ACAN: variants seen among roughly 807,000 people sequenced by gnomAD.
ACAN encodes the protein aggrecan.
In ACAN, 47 loss-of-function variants were observed where a neutral mutation model predicts 169.1. That is an observed-to-expected ratio of 0.28 (90% CI 0.22 to 0.35). ACAN has a LOEUF of 0.35. Among genes scored for constraint, ACAN ranks in the 10% least tolerant of loss-of-function variants. ACAN has a pLI of 1.00. For synonymous variants in ACAN, 1,115 were observed against 1,112.2 expected (o/e 1.00, Z -0.05); for missense variants, 2,716 against 2,759.9 (o/e 0.98, Z 0.36).
chr15:88,817,786 G>A (rs574884641), intron 1 of ACAN, among the ~76,000 whole-genome samples: 2 of 148,918 alleles, frequency 1.3e-5, no homozygotes, highest in East Asian at 2.0e-4. Flanking sequence ...CCTGGGAGGC[G>A]GAGGTTGCAG....
chr15:88,853,719 A>G (rs2141599409), intron 11 of ACAN, among the ~76,000 whole-genome samples: 1 of 151,552 alleles, frequency 6.6e-6, no homozygotes, highest in Middle Eastern at 3.4e-3. Flanking sequence ...GATGTGTTTC[A>G]TAGATAAATA....
Position 88,858,731 on chromosome 15 carries a change from C to T in ACAN, c.6146C>T (p.Thr2049Ile), listed in dbSNP as rs200203683. 1 of 1,613,958 alleles carries T rather than the reference C, an allele frequency of 6.2e-7. No individual in the cohort carries two copies. Among genetic ancestry groups the T allele is most frequent in the South Asian group, 1.1e-5 (1 of 91,076 alleles). Residue 2049 changes from threonine (T) to isoleucine (I), a missense_variant, in exon 12 of 19, where the codon ACT (threonine) becomes ATT (isoleucine). This residue lies in a region of ACAN where 1,389 missense variants were observed against 1,363.7 expected (regional missense o/e 1.02). Coordinates refer to ENST00000560601, the MANE Select transcript of ACAN (RefSeq NM_001369268.1). This position sits in a 1 kb window ranked among gnomAD's most constrained non-coding sequence, Gnocchi z 4.0. ...TTCGTGGAGGGTGTTACTGAACCAA[C>T]TATTTCTCAGGAACTAGGCCAAAGG... Reference protein sequence around the residue: ...SEFVEGVTEPTISQELGQRPP... With the variant: ...SEFVEGVTEPIISQELGQRPP...
chr15:88,864,883 C>A (rs967892529), intron 13 of ACAN, among the ~76,000 whole-genome samples: 2 of 152,102 alleles, frequency 1.3e-5, no homozygotes, highest in Admixed American at 6.5e-5. Context: ...GAGTGGCAAC[C>A]CTTTTAGTTC....
intron 11 of ACAN, 54 bp downstream of exon 11, chr15:88,852,087 C>A (rs972926726): frequency 7.8e-6 from 12 of 1,542,376 alleles, no homozygotes; most frequent in Admixed American, 2.0e-5. Flanking sequence ...CCCCTGTCTT[C>A]CTACAGTGTG....
Position 88,874,393 on chromosome 15 carries a change from C to CT in ACAN, c.7631-9dup. ...GGTCCACTGATATCTTTCCATCTCC[C>CT]TTTCGTCCTAGCCACCACCTACAAA... On this transcript the variant is annotated splice_polypyrimidine_tract_variant and intron_variant, in intron 18 of 18. Transcript: ENST00000560601. The surrounding 1 kb of genome is among the most constrained non-coding windows in gnomAD (Gnocchi z 7.3). The CT allele has an allele frequency of 1.9e-6, 3 of 1,594,536 alleles. No individual in the cohort carries two copies. Among genetic ancestry groups the CT allele is most frequent in the Non-Finnish European group, 2.6e-6 (3 of 1,170,748 alleles).
In ACAN at chr15:88,858,591, A is replaced by G. The variant is rs756799210; in HGVS notation, c.6006A>G (p.Pro2002=). ...IEPSGEPPGT[P]YFSGDFASTT... ...CCAGCGGAGAGCCACCAGGTACTCCATATTTTAGTGGGGATTTTGCCAGCA... is the reference window on the plus strand; with the variant it reads ...CCAGCGGAGAGCCACCAGGTACTCCGTATTTTAGTGGGGATTTTGCCAGCA... The change falls in exon 12 of 19, where the codon CCA becomes CCG. Residue 2002 remains proline (P), a synonymous_variant. Coordinates refer to ENST00000560601, the MANE Select transcript of ACAN (RefSeq NM_001369268.1). The surrounding 1 kb of genome is among the most constrained non-coding windows in gnomAD (Gnocchi z 4.0). The G allele has an allele frequency of 8.6e-5, 138 of 1,613,816 alleles. No homozygotes were observed. The highest frequency in any genetic ancestry group is 1.1e-4 in the Non-Finnish European group (128 of 1,179,892).
At chr15:88,845,201 G>A (rs1596136372) in intron 6 of ACAN, among the ~76,000 whole-genome samples, 1 of 152,258 alleles carries the variant, frequency 6.6e-6, no homozygotes, top group African/African-American at 2.4e-5. Flanking sequence ...AGCAGCAGCT[G>A]TGTTGAGCAG....
intron 6 of ACAN, 32 bp from the exon 7 acceptor site, chr15:88,845,473 G>A (rs762916656): frequency 2.6e-5 from 40 of 1,564,124 alleles, no homozygotes; most frequent in Non-Finnish European, 3.3e-5. Context: ...CCCAGGCTGA[G>A]AGGCTAAAGC....
intron 11 of ACAN, 33 bp from the exon 12 acceptor site, chr15:88,854,819 C>T (rs751062275): frequency 1.9e-5 from 27 of 1,416,572 alleles, no homozygotes; most frequent in Non-Finnish European, 2.2e-5. Context: ...GTTAATAAAC[C>T]CACACTTCAT....
Position 88,838,790 on chromosome 15 carries a change from CGCCCCACTG to C in ACAN, c.205_213del (p.Leu69_Pro71del). 6.2e-7 allele frequency: 1 copy of C among 1,613,998 alleles called. No individual in the cohort carries two copies. The highest frequency in any genetic ancestry group is 8.5e-7 in the Non-Finnish European group (1 of 1,179,902). On this transcript the variant is annotated inframe_deletion, in exon 3 of 19. Coordinates refer to ENST00000560601, the MANE Select transcript of ACAN (RefSeq NM_001369268.1). This position sits in a 1 kb window ranked among gnomAD's most constrained non-coding sequence, Gnocchi z 5.1. Reference sequence around the variant, plus strand: ...ACCCTGTGACCACCGCCCCTTCTACCGCCCCACTGGCCCCAAGAATCAAGTGGAGCCGTG... The same window carrying C: ...ACCCTGTGACCACCGCCCCTTCTACCGCCCCAAGAATCAAGTGGAGCCGTG...
Position 88,838,528 on chromosome 15 carries a change from C to G in ACAN, c.71-135C>G, listed in dbSNP as rs1896563119. The G allele has an allele frequency of 5.4e-6, 6 of 1,114,410 alleles. No homozygotes were observed. In the East Asian group the frequency reaches 7.2e-5, roughly 13 times the overall value. 69.0% of individuals were successfully genotyped at this position (1,114,410 alleles called of 1,614,324 possible). A position where few individuals can be genotyped will look rare whatever the true frequency, so the allele number is the denominator to read the frequency against. Reference sequence around the variant, plus strand: ...ATTCCCACATGACACGGGAGCATCCCCATCATAGAGACAGACACACTCATC... The same window carrying G: ...ATTCCCACATGACACGGGAGCATCCGCATCATAGAGACAGACACACTCATC... On this transcript the variant is annotated intron_variant, in intron 2 of 18. Transcript: ENST00000560601. This position sits in a 1 kb window ranked among gnomAD's most constrained non-coding sequence, Gnocchi z 5.1.
chr15:88,836,522 A>T (rs552314184), intron 2 of ACAN, among the ~76,000 whole-genome samples: 1 of 152,350 alleles, frequency 6.6e-6, no homozygotes, highest in African/African-American at 2.4e-5. Context: ...AAGCCCCGAC[A>T]GCTGGCAGGG....
chr15:88,835,417 A>G (rs1026235420), intron 1 of ACAN, among the ~76,000 whole-genome samples: 2 of 152,078 alleles, frequency 1.3e-5, no homozygotes, highest in Admixed American at 6.6e-5. Context: ...ACACACACAC[A>G]CACACGAGAG....
At position 88,841,884 on chromosome 15, in the gene ACAN, A is replaced by G. The variant is rs750967983; in HGVS notation, c.757+17A>G. The G allele has an allele frequency of 2.1e-4, 331 of 1,611,318 alleles. 2 individuals are homozygous for G. The highest frequency in any genetic ancestry group is 7.4e-4 in the East Asian group (33 of 44,830). On this transcript the variant is annotated intron_variant, in intron 5 of 18. Coordinates refer to ENST00000560601, the MANE Select transcript of ACAN (RefSeq NM_001369268.1). ...AGATGGAGGGTGAGCTGCCCTGCCC[A>G]CCAGGAGGCACCCAGCTCCCTTCCC... is the stretch of plus-strand genomic sequence containing the variant.
rs193183731 is a variant in ACAN at position 88,872,134 on chromosome 15, G to A, written c.7302+49G>A. On this transcript the variant is annotated intron_variant, in intron 16 of 18. Transcript: ENST00000560601. This position sits in a 1 kb window ranked among gnomAD's most constrained non-coding sequence, Gnocchi z 5.4. The stretch of plus-strand genomic sequence containing the variant: ...TGGTGGCCCAGGGGACAGGGAGTGG[G>A]ATAGAGACCCCTGGAGAGAGATGCA... The A allele has an allele frequency of 6.6e-7, 1 of 1,512,602 alleles. No individual in the cohort carries two copies. The highest frequency in any genetic ancestry group is 2.3e-5 in the East Asian group (1 of 44,324). 93.7% of individuals were successfully genotyped at this position (1,512,602 alleles called of 1,614,324 possible). A position where few individuals can be genotyped will look rare whatever the true frequency, so the allele number is the denominator to read the frequency against.
intron 13 of ACAN, among the ~76,000 whole-genome samples, chr15:88,867,830 G>GT (rs1897304491): frequency 1.3e-5 from 2 of 152,138 alleles, no homozygotes; most frequent in African/African-American, 4.8e-5. Flanking sequence ...TCACCACCAC[G>GT]TTCATAACCA....
chr15:88,840,786 T>TAAA (rs11333209), intron 4 of ACAN, among the ~76,000 whole-genome samples: 5,333 of 136,298 alleles, frequency 0.039, 332 homozygotes, highest in African/African-American at 0.13. Flanking sequence ...ACTATAGCCA[T>TAAA]AAAAAAAAAA....
intron 2 of ACAN, among the ~76,000 whole-genome samples, chr15:88,837,065 A>G (rs1178696369): frequency 6.6e-6 from 1 of 152,174 alleles, no homozygotes; most frequent in Admixed American, 6.5e-5. Flanking sequence ...TTTCCCCTCC[A>G]AGTGGGCCCA....
chr15:88,846,297 G>A (rs1896790456), intron 7 of ACAN, among the ~76,000 whole-genome samples: 1 of 152,160 alleles, frequency 6.6e-6, no homozygotes, highest in South Asian at 2.1e-4. Flanking sequence ...TGACCTCCCA[G>A]GACAAAGGCC....
Sources: gnomAD v4.1 joint callset for allele counts (sites outside exome capture counted in the v4.1 genomes callset) on GRCh38, gnomAD v4.1.1 for gene constraint, gnomAD v4.1.1 regional missense constraint, Gnocchi (gnomAD v3.1) non-coding constraint, MANE v1.5 for transcripts, NCBI Gene and HGNC (gene_info 2026-07-23, HGNC 2026-07-21) for gene names.